NOS1AP: variants seen among roughly 807,000 people sequenced by gnomAD.
NOS1AP encodes the protein carboxyl-terminal PDZ ligand of neuronal nitric oxide synthase protein.
In NOS1AP, 21 loss-of-function variants were observed where a neutral mutation model predicts 56.2. That is an observed-to-expected ratio of 0.37 (90% confidence interval 0.26 to 0.54). The LOEUF (loss-of-function observed/expected upper bound fraction) is 0.54, where lower values mean the gene tolerates loss of function less well. Ranked by LOEUF, NOS1AP falls within the 20% of genes least tolerant of loss-of-function variation. The probability of loss-of-function intolerance (pLI) is 0.84; values close to 1 mark genes in which losing one functional copy is unlikely to be tolerated. For missense variants in NOS1AP, 522 were observed against 657.8 expected, an observed-to-expected ratio of 0.79 and a Z score of 2.26; for synonymous variants, 270 against 274.6, an observed-to-expected ratio of 0.98 and a Z score of 0.17.
At chr1:162,135,604 C>G (rs1208771628) in intron 1 of NOS1AP, among the ~76,000 whole-genome samples, 1 of 152,162 alleles carries the variant, frequency 6.6e-6, no homozygotes, top group Admixed American at 6.5e-5. Context: ...AGGGAGGTTG[C>G]AGACCCAGGT....
At chr1:162,132,453 T>C (rs938211177) in intron 1 of NOS1AP, among the ~76,000 whole-genome samples, 5 of 152,212 alleles carry the variant, frequency 3.3e-5, no homozygotes, top group African/African-American at 1.2e-4. Context: ...GAAATGATCT[T>C]TGTAGAAAGA....
intron 4 of NOS1AP, among the ~76,000 whole-genome samples, chr1:162,309,003 C>T (rs539836645): frequency 6.6e-5 from 10 of 152,336 alleles, no homozygotes; most frequent in African/African-American, 2.4e-4. Context: ...TTTGTTTTAC[C>T]TCTGTGCTCA....
intron 5 of NOS1AP, 115 bp from the exon 6 acceptor site, chr1:162,343,720 A>G: frequency 8.5e-7 from 1 of 1,172,228 alleles, no homozygotes; most frequent in Non-Finnish European, 1.3e-6. Context: ...TTGTATGTGC[A>G]TATCTGAACA....
rs576669788 is a variant in NOS1AP, at chr1:162,224,845, T to C, written c.178-62499T>C. Among the ~76,000 whole-genome samples, 657 of 152,296 alleles carry C rather than the reference T, an allele frequency of 4.3e-3. 3 individuals carry two copies. Among genetic ancestry groups the C allele is most frequent in the Non-Finnish European group, 5.5e-3 (377 of 68,004 alleles). ...ATGTTGTTTCCAGGATGAGACCCCA[T>C]GTCCTGAGGGTCACTGCCTTATCAG... On this transcript the variant is annotated intron_variant, in intron 2 of 9. Coordinates refer to ENST00000361897, the MANE Select transcript of NOS1AP (RefSeq NM_014697.3).
intron 8 of NOS1AP, chr1:162,363,894 A>G (rs1254802795): frequency 3.0e-6 from 3 of 985,266 alleles, no homozygotes; most frequent in African/African-American, 3.5e-5. Flanking sequence ...TTTAGTTTAA[A>G]TTCCTTAGGC....
At chr1:162,180,206 C>T (rs1651203172) in intron 2 of NOS1AP, among the ~76,000 whole-genome samples, 1 of 152,030 alleles carries the variant, frequency 6.6e-6, no homozygotes, top group African/African-American at 2.4e-5. Context: ...CCTTGTGTAG[C>T]CTCCTCCATG....
At chr1:162,257,650 A>G (rs1370529222) in intron 2 of NOS1AP, among the ~76,000 whole-genome samples, 1 of 148,322 alleles carries the variant, frequency 6.7e-6, no homozygotes, top group Admixed American at 6.7e-5. Flanking sequence ...CTCCATCTCA[A>G]AAAAAAAAAA....
chr1:162,310,259 A>G (rs1655983324), intron 4 of NOS1AP, among the ~76,000 whole-genome samples: 1 of 152,188 alleles, frequency 6.6e-6, no homozygotes, highest in South Asian at 2.1e-4. Flanking sequence ...TGATATATAC[A>G]TGTCTCTTTT....
intron 1 of NOS1AP, among the ~76,000 whole-genome samples, chr1:162,138,174 T>C (rs1220970238): frequency 1.3e-5 from 2 of 152,214 alleles, no homozygotes; most frequent in Non-Finnish European, 2.9e-5. Flanking sequence ...ATCATAATCA[T>C]TTATTCTCTC....
chr1:162,354,068 G>A (rs1224289494), intron 6 of NOS1AP, among the ~76,000 whole-genome samples: 1 of 152,204 alleles, frequency 6.6e-6, no homozygotes, highest in Admixed American at 6.5e-5. Flanking sequence ...TAAATGCCAG[G>A]CTTGTTTCCC....
intron 1 of NOS1AP, among the ~76,000 whole-genome samples, chr1:162,148,612 G>A (rs1394747264): frequency 6.6e-6 from 1 of 152,246 alleles, no homozygotes; most frequent in African/African-American, 2.4e-5. Flanking sequence ...ACTGGTGTGA[G>A]ATGAAGCTGG....
intron 4 of NOS1AP, among the ~76,000 whole-genome samples, chr1:162,318,544 T>G (rs1173005770): frequency 1.3e-5 from 2 of 152,160 alleles, no homozygotes; most frequent in Non-Finnish European, 2.9e-5. Context: ...TCCTCAGATC[T>G]CTTGGTCTTT....
At chr1:162,128,481 T>A (rs570898517) in intron 1 of NOS1AP, among the ~76,000 whole-genome samples, 1 of 152,272 alleles carries the variant, frequency 6.6e-6, no homozygotes, top group African/African-American at 2.4e-5. Flanking sequence ...TATACATATA[T>A]ACACAAATTT....
At chr1:162,343,131 T>C (rs1293677213) in intron 5 of NOS1AP, among the ~76,000 whole-genome samples, 4 of 152,218 alleles carry the variant, frequency 2.6e-5, no homozygotes, top group Non-Finnish European at 5.9e-5. Flanking sequence ...AGCAGGCTTC[T>C]TTGTCCTCTC....
intron 2 of NOS1AP, among the ~76,000 whole-genome samples, chr1:162,210,336 T>G (rs1189975812): frequency 6.6e-6 from 1 of 152,148 alleles, no homozygotes; most frequent in African/African-American, 2.4e-5. Flanking sequence ...TCTGCTTGCC[T>G]CTCTCACTGT....
At chr1:162,229,436 G>A (rs764424675) in intron 2 of NOS1AP, among the ~76,000 whole-genome samples, 11 of 152,072 alleles carry the variant, frequency 7.2e-5, no homozygotes, top group Non-Finnish European at 1.0e-4. Context: ...TGGTATGTCT[G>A]CCTCTTTTAT....
At chr1:162,114,053 T>C (rs951744059) in intron 1 of NOS1AP, among the ~76,000 whole-genome samples, 4 of 152,226 alleles carry the variant, frequency 2.6e-5, no homozygotes, top group Non-Finnish European at 5.9e-5. Context: ...ATGGCTTCCT[T>C]GCTCATTTGT....
At chr1:162,154,221 T>C (rs986502364) in intron 1 of NOS1AP, among the ~76,000 whole-genome samples, 184 bp from the exon 2 acceptor site, 1 of 152,192 alleles carries the variant, frequency 6.6e-6, no homozygotes, top group African/African-American at 2.4e-5. Flanking sequence ...AAGGAAGCAG[T>C]AATTTCTGGT....
intron 4 of NOS1AP, among the ~76,000 whole-genome samples, chr1:162,306,762 C>T (rs1258181076): frequency 4.6e-5 from 7 of 152,186 alleles, no homozygotes; most frequent in Admixed American, 3.3e-4. Context: ...AGTGGTGAAA[C>T]TCCATCTCTA....
Sources: allele counts gnomAD v4.1 joint callset (sites outside exome capture counted in the v4.1 genomes callset), GRCh38; gene constraint gnomAD v4.1.1; transcripts MANE v1.5; gene names NCBI Gene and HGNC (gene_info 2026-07-23, HGNC 2026-07-21).